LRP1B: variants seen among roughly 807,000 people sequenced by gnomAD.
The protein encoded by LRP1B is low-density lipoprotein receptor-related protein 1B.
LRP1B carries 217 observed loss-of-function variants against 556.6 expected under a neutral mutation model. The ratio of observed to expected loss-of-function variants is 0.39; its 90% CI spans 0.35 to 0.44. The LOEUF (loss-of-function observed/expected upper bound fraction) is 0.44. Ranked by LOEUF, LRP1B falls within the 20% of genes least tolerant of loss-of-function variation. LRP1B has a pLI of 1.00. For missense variants in LRP1B, 5,053 were observed against 5,620.8 expected (o/e 0.90, Z 3.23); for synonymous variants, 2,047 against 1,865.8 (o/e 1.10, Z -2.50).
At chr2:140,903,906 TACATATGATTACATATATAATGTGATTAC>T (rs1347282256) in intron 22 of LRP1B, among the ~76,000 whole-genome samples, 6 of 152,164 alleles carry the variant, frequency 3.9e-5, no homozygotes, top group South Asian at 4.1e-4. Context: ...ATTACATGAT[TACATATGATTACATATATAATGTGATTAC>T]ACATATGATT....
intron 68 of LRP1B, among the ~76,000 whole-genome samples, chr2:140,377,622 C>A (rs1683292810): frequency 6.6e-6 from 1 of 152,164 alleles, no homozygotes; most frequent in African/African-American, 2.4e-5. Flanking sequence ...AATGTTAGCA[C>A]AAACTAAGTT....
rs2105322179 is a variant in LRP1B, at chr2:140,456,574, C to T, written c.9844G>A (p.Gly3282Ser). 6.2e-7 allele frequency: 1 copy of T among 1,611,386 alleles called. No homozygotes were observed. Among genetic ancestry groups the T allele is most frequent in the Non-Finnish European group, 8.5e-7 (1 of 1,178,378 alleles). Residue 3282 changes from glycine to serine, a missense_variant, in exon 62 of 91, where the codon GGT (glycine) becomes AGT (serine). Physicochemically the swap from Gly to Ser is moderately conservative, Grantham distance 56. This residue lies in a region of LRP1B where 262 missense variants were observed against 395.1 expected (regional missense o/e 0.66). Transcript: ENST00000389484. ...AAAAGGCACAAATGACTGCAACCACCATTATTTATCATGCAGAGATGTTTG... is the reference window on the plus strand; with the variant it reads ...AAAAGGCACAAATGACTGCAACCACTATTATTTATCATGCAGAGATGTTTG... ...VSKHLCMINN[G>S]GCSHLCLLAP...
At chr2:140,461,664 G>A (rs1378049741) in intron 60 of LRP1B, among the ~76,000 whole-genome samples, 2 of 151,684 alleles carry the variant, frequency 1.3e-5, no homozygotes, top group Non-Finnish European at 2.9e-5. Context: ...GTGAAACCCC[G>A]TCTCTACTAA....
intron 2 of LRP1B, among the ~76,000 whole-genome samples, chr2:141,637,845 T>A (rs547426920): frequency 6.6e-6 from 1 of 152,126 alleles, no homozygotes; most frequent in Non-Finnish European, 1.5e-5. Flanking sequence ...GGCAGATCCC[T>A]TATGAATAGC....
At chr2:140,581,218 C>A (rs546699562) in intron 43 of LRP1B, among the ~76,000 whole-genome samples, 1 of 152,304 alleles carries the variant, frequency 6.6e-6, no homozygotes, top group Non-Finnish European at 1.5e-5. Context: ...ACTTTAGACA[C>A]TTTAACGAAG....
At chr2:141,899,470 T>C (rs1391604698) in intron 1 of LRP1B, among the ~76,000 whole-genome samples, 1 of 152,132 alleles carries the variant, frequency 6.6e-6, no homozygotes, top group Non-Finnish European at 1.5e-5. Flanking sequence ...TTGCCAAGTT[T>C]ATAAATGAGA....
intron 21 of LRP1B, 34 bp downstream of exon 21, chr2:140,922,931 G>C (rs2105257992): frequency 6.3e-7 from 1 of 1,591,150 alleles, no homozygotes; most frequent in Non-Finnish European, 8.6e-7. Context: ...CACTCAGGGA[G>C]ACCCAATAGA....
chr2:140,866,292 C>T (rs894827466), intron 27 of LRP1B, among the ~76,000 whole-genome samples: 7 of 152,016 alleles, frequency 4.6e-5, no homozygotes, highest in African/African-American at 9.7e-5. Context: ...TCTAGAGAAG[C>T]GTATTTTTTC....
chr2:140,392,680 T>C (rs1170221726), intron 66 of LRP1B, among the ~76,000 whole-genome samples: 1 of 152,016 alleles, frequency 6.6e-6, no homozygotes, highest in Non-Finnish European at 1.5e-5. Context: ...TAGAGACCAG[T>C]GCTTTCCTAT....
chr2:140,458,747 T>G (rs1687202152), intron 60 of LRP1B, among the ~76,000 whole-genome samples: 1 of 152,082 alleles, frequency 6.6e-6, no homozygotes, highest in Admixed American at 6.6e-5. Context: ...CAATTTACTA[T>G]TTATAGGAAG....
intron 2 of LRP1B, among the ~76,000 whole-genome samples, chr2:141,760,167 C>G (rs994393205): frequency 1.3e-5 from 2 of 152,086 alleles, no homozygotes. Flanking sequence ...AAAAATACAT[C>G]TCTTGTAATG....
Position 140,987,840 on chromosome 2 carries a change from C to T in LRP1B, c.2770+1692G>A, listed in dbSNP as rs962120027. On this transcript the variant is annotated intron_variant, in intron 17 of 90. Transcript: ENST00000389484. ...TTCTCTACTAAAAATAAGAAAAAGC[C>T]AGGCATGGTGGTGTGTGCCTGTAGT... 4.6e-5 allele frequency among the ~76,000 whole-genome samples: 7 copies of T among 151,888 alleles called. No homozygotes were observed. The East Asian group carries it at 1.2e-3, about 25-fold the overall frequency.
chr2:140,728,796 A>C (rs1687680492), intron 35 of LRP1B, among the ~76,000 whole-genome samples: 1 of 152,146 alleles, frequency 6.6e-6, no homozygotes, highest in African/African-American at 2.4e-5. Context: ...TCTTGAGTTA[A>C]AAATCACAGC....
At chr2:141,193,128 T>C (rs1457928329) in intron 6 of LRP1B, among the ~76,000 whole-genome samples, 3 of 152,034 alleles carry the variant, frequency 2.0e-5, no homozygotes, top group African/African-American at 7.2e-5. Context: ...TTACACATTG[T>C]CGATGGGATC....
At chr2:141,398,982 G>A (rs928302426) in intron 3 of LRP1B, among the ~76,000 whole-genome samples, 3 of 152,162 alleles carry the variant, frequency 2.0e-5, no homozygotes, top group Non-Finnish European at 2.9e-5. Flanking sequence ...CCGACTGGGC[G>A]CAGTGGCTTA....
At chr2:141,171,470 TA>T (rs1226072264) in intron 7 of LRP1B, among the ~76,000 whole-genome samples, 1 of 152,140 alleles carries the variant, frequency 6.6e-6, no homozygotes, top group Non-Finnish European at 1.5e-5. Context: ...GTGTCATTTC[TA>T]TTCATCTTCA....
chr2:142,006,337 C>T (rs1309273150), intron 1 of LRP1B, among the ~76,000 whole-genome samples: 2 of 152,134 alleles, frequency 1.3e-5, no homozygotes, highest in Non-Finnish European at 2.9e-5. Context: ...TCCATTAAAT[C>T]TTTAAAGAAA....
At chr2:141,989,690 A>G (rs1237117259) in intron 1 of LRP1B, among the ~76,000 whole-genome samples, 1 of 151,916 alleles carries the variant, frequency 6.6e-6, no homozygotes, top group Non-Finnish European at 1.5e-5. Context: ...AGTTCTCACG[A>G]GATCTGATGG....
intron 20 of LRP1B, among the ~76,000 whole-genome samples, chr2:140,945,006 C>A (rs1465905867): frequency 6.6e-6 from 1 of 151,784 alleles, no homozygotes; most frequent in East Asian, 1.9e-4. Context: ...TTATCTAGAA[C>A]CCCTAAGCCA....
Sources: gnomAD v4.1 joint callset for allele counts (sites outside exome capture counted in the v4.1 genomes callset) on GRCh38, gnomAD v4.1.1 for gene constraint, gnomAD v4.1.1 regional missense constraint, MANE v1.5 for transcripts, NCBI Gene and HGNC (gene_info 2026-07-23, HGNC 2026-07-21) for gene names.